CCDC88C: variants seen among roughly 807,000 people sequenced by gnomAD.
CCDC88C encodes coiled-coil and HOOK domain protein 88C, also known as protein Daple.
In CCDC88C, 131 loss-of-function variants were observed where a neutral mutation model predicts 198.8. The observed-to-expected ratio is 0.66, with a 90% CI of 0.57 to 0.76. The LOEUF (loss-of-function observed/expected upper bound fraction) is 0.76, where lower values mean the gene tolerates loss of function less well. Among genes scored for constraint, CCDC88C ranks in the 30% least tolerant of loss-of-function variants. The probability of loss-of-function intolerance (pLI) is 0.00; values close to 1 mark genes in which losing one functional copy is unlikely to be tolerated. For synonymous variants in CCDC88C, 1,166 were observed against 1,114.7 expected (o/e 1.05, Z -0.92); for missense variants, 2,553 against 2,631.6 (o/e 0.97, Z 0.65).
intron 25 of CCDC88C, chr14:91,285,688 G>A (rs150764681): frequency 1.2e-5 from 16 of 1,288,898 alleles, no homozygotes; most frequent in Admixed American, 6.9e-5. Flanking sequence ...CTCCAATGTC[G>A]GAGAAAGAGA....
At chr14:91,405,565 C>T (rs552183380) in intron 3 of CCDC88C, among the ~76,000 whole-genome samples, 17 of 152,214 alleles carry the variant, frequency 1.1e-4, no homozygotes, top group Non-Finnish European at 2.1e-4. Context: ...AGGCAGGATA[C>T]GCAATTGTAT....
chr14:91,343,492 T>C, intron 5 of CCDC88C, 107 bp downstream of exon 5: 3 of 1,524,614 alleles, frequency 2.0e-6, no homozygotes, highest in South Asian at 2.5e-5. Context: ...CATATTGGAC[T>C]GAAAGGAGCA....
chr14:91,310,063 G>C lies in CCDC88C; in HGVS notation c.2737-77C>G, dbSNP rs534904838. On this transcript the variant is annotated intron_variant, in intron 15 of 29. Coordinates refer to ENST00000389857, the MANE Select transcript of CCDC88C (RefSeq NM_001080414.4). ...AAGGCCAGGCGCCAGTCCCGCCCGGGTGTGAGCAACTGTCCTCCCGGGCCA... is the reference window on the plus strand; with the variant it reads ...AAGGCCAGGCGCCAGTCCCGCCCGGCTGTGAGCAACTGTCCTCCCGGGCCA... 1.1e-5 allele frequency: 16 copies of C among 1,424,304 alleles called. No individual in the cohort carries two copies. In the East Asian group the frequency reaches 3.2e-4, roughly 29 times the overall value. The allele number at this position is 1,424,304 out of a possible 1,614,324, so 88.2% of individuals were successfully genotyped here. A position where few individuals can be genotyped will look rare whatever the true frequency, so the allele number is the denominator to read the frequency against.
At chr14:91,400,454 T>C (rs1886106452) in intron 3 of CCDC88C, among the ~76,000 whole-genome samples, 1 of 152,214 alleles carries the variant, frequency 6.6e-6, no homozygotes, top group South Asian at 2.1e-4. Flanking sequence ...TCCGGATGGT[T>C]GGGTCCACAA....
intron 1 of CCDC88C, 200 bp downstream of exon 1, chr14:91,417,431 A>C: frequency 1.7e-6 from 1 of 572,640 alleles, no homozygotes; most frequent in East Asian, 3.2e-5. Flanking sequence ...CGCCGGACGC[A>C]CAACGGGGGC....
intron 15 of CCDC88C, among the ~76,000 whole-genome samples, chr14:91,311,086 G>C (rs992957720): frequency 1.3e-5 from 2 of 152,180 alleles, no homozygotes; most frequent in African/African-American, 4.8e-5. Flanking sequence ...CAAGCCTGGT[G>C]TAGAGACCGT....
intron 3 of CCDC88C, among the ~76,000 whole-genome samples, chr14:91,368,632 C>T (rs972587325): frequency 6.6e-6 from 1 of 152,172 alleles, no homozygotes; most frequent in South Asian, 2.1e-4. Flanking sequence ...AACCCTGCAT[C>T]GATTTAACAC....
intron 3 of CCDC88C, among the ~76,000 whole-genome samples, chr14:91,374,882 G>A (rs959654298): frequency 6.6e-6 from 1 of 152,162 alleles, no homozygotes; most frequent in African/African-American, 2.4e-5. Context: ...GCCAGATCTG[G>A]GCTCAGAGAC....
intron 6 of CCDC88C, among the ~76,000 whole-genome samples, chr14:91,341,229 T>C (rs1157269243): frequency 6.6e-6 from 1 of 152,190 alleles, no homozygotes; most frequent in African/African-American, 2.4e-5. Flanking sequence ...GTTCTAGGCC[T>C]GGTCCAGACC....
At chr14:91,306,060 C>T in intron 18 of CCDC88C, 134 bp from the exon 19 acceptor site, 1 of 793,294 alleles carries the variant, frequency 1.3e-6, no homozygotes, top group South Asian at 1.8e-5. Context: ...TGGATGAGGT[C>T]AGTATATTTT....
intron 3 of CCDC88C, among the ~76,000 whole-genome samples, chr14:91,401,234 A>T (rs1217569328): frequency 1.8e-5 from 2 of 111,680 alleles, no homozygotes; most frequent in East Asian, 4.5e-4. Flanking sequence ...GAATATATAT[A>T]TTTATATATT....
chr14:91,327,397 C>T (rs998717461), intron 10 of CCDC88C, among the ~76,000 whole-genome samples: 3 of 152,244 alleles, frequency 2.0e-5, no homozygotes, highest in Non-Finnish European at 4.4e-5. Context: ...GCCCTCCTCT[C>T]GCTGCCTGTG....
At chr14:91,415,912 A>G (rs375159707) in intron 2 of CCDC88C, among the ~76,000 whole-genome samples, 28 of 152,186 alleles carry the variant, frequency 1.8e-4, no homozygotes, top group African/African-American at 6.3e-4. Flanking sequence ...TCGTAGGTGA[A>G]TAGGTGCGCA....
At chr14:91,282,103 T>A (rs999820244) in intron 26 of CCDC88C, among the ~76,000 whole-genome samples, 4 of 152,180 alleles carry the variant, frequency 2.6e-5, no homozygotes, top group African/African-American at 9.7e-5. Context: ...TGCTAGTTTC[T>A]ACCTGAGAGC....
At position 91,274,516 on chromosome 14, in the gene CCDC88C, G is replaced by C. The variant is rs552250064; in HGVS notation, c.5059-863C>G. ...AGAGAAGTGAGTTCATGGGGGATGAGAGGCCGGCAGGTGTCAGCCTGAAGG... is the reference window on the plus strand; with the variant it reads ...AGAGAAGTGAGTTCATGGGGGATGACAGGCCGGCAGGTGTCAGCCTGAAGG... On this transcript the variant is annotated intron_variant, in intron 29 of 29. Transcript: ENST00000389857. Among the ~76,000 whole-genome samples the C allele has an allele frequency of 1.1e-4, 17 of 152,350 alleles. No homozygotes were observed. In the East Asian group the frequency reaches 3.1e-3, roughly 28 times the overall value.
chr14:91,347,703 T>C (rs1490383067), intron 4 of CCDC88C, among the ~76,000 whole-genome samples: 1 of 152,150 alleles, frequency 6.6e-6, no homozygotes, highest in Non-Finnish European at 1.5e-5. Context: ...GGAGAGGATG[T>C]GGAGAAACAG....
rs1890269627 is a variant in CCDC88C at position 91,283,192 on chromosome 14, T to G, written c.4630+137A>C. ...CAGCTGCATCTGTGCCACCAAAGCC[T>G]GTCAGCAGCCTCACCCCTCTACTCA... is the stretch of plus-strand genomic sequence containing the variant. On this transcript the variant is annotated intron_variant, in intron 26 of 29. Transcript: ENST00000389857. 6.7e-6 allele frequency: 6 copies of G among 890,138 alleles called. No individual in the cohort carries two copies. The East Asian group carries it at 1.3e-4, about 20-fold the overall frequency. The allele number at this position is 890,138 out of a possible 1,614,324, so 55.1% of individuals were successfully genotyped here.
chr14:91,281,492 G>T lies in CCDC88C; in HGVS notation c.4664C>A (p.Ser1555Tyr). 1 of 1,613,942 alleles carries T rather than the reference G, an allele frequency of 6.2e-7. No homozygotes were observed. Among genetic ancestry groups the T allele is most frequent in the Non-Finnish European group, 8.5e-7 (1 of 1,179,856 alleles). Residue 1555 changes from serine (S) to tyrosine (Y), a missense_variant, in exon 27 of 30, where the codon TCC becomes TAC. This residue lies in a region of CCDC88C where 1,293 missense variants were observed against 1,219.6 expected (regional missense o/e 1.06). Transcript: ENST00000389857. Reference sequence around the variant, plus strand: ...GTGGTTGGGGACCTCAAACTCCAGGGATGGCTCACAGAGGTTGTCATCTGA... The same window carrying T: ...GTGGTTGGGGACCTCAAACTCCAGGTATGGCTCACAGAGGTTGTCATCTGA... Reference protein sequence around the residue: ...YNSDDNLCEPSLEFEVPNHRQ... With the variant: ...YNSDDNLCEPYLEFEVPNHRQ...
At chr14:91,392,257 C>T (rs1885551245) in intron 3 of CCDC88C, among the ~76,000 whole-genome samples, 1 of 152,102 alleles carries the variant, frequency 6.6e-6, no homozygotes, top group South Asian at 2.1e-4. Context: ...ACTCTGGCTT[C>T]AGATCACCCT....
Sources: allele counts gnomAD v4.1 joint callset (sites outside exome capture counted in the v4.1 genomes callset), GRCh38; gene constraint gnomAD v4.1.1; regional missense constraint gnomAD v4.1.1; transcripts MANE v1.5; gene names NCBI Gene and HGNC (gene_info 2026-07-23, HGNC 2026-07-21).